The following HHAT variants were observed in gnomAD, a reference collection of about 807,000 sequenced individuals.
The protein encoded by HHAT is protein-cysteine N-palmitoyltransferase HHAT.
Under a neutral mutation model 70.8 loss-of-function variants are expected in HHAT, and 47 were observed. The observed-to-expected ratio is 0.66, with a 90% CI of 0.53 to 0.85. HHAT has a LOEUF of 0.85. HHAT is among the 40% of genes least tolerant of loss of function. The pLI is 0.00. For synonymous variants in HHAT, 228 were observed against 247.6 expected, an observed-to-expected ratio of 0.92 and a Z score of 0.74; for missense variants, 609 against 604.8, an observed-to-expected ratio of 1.01 and a Z score of -0.07.
intron 9 of HHAT, among the ~76,000 whole-genome samples, chr1:210,553,002 G>A (rs1342577720): frequency 6.6e-6 from 1 of 152,188 alleles, no homozygotes; most frequent in African/African-American, 2.4e-5. Context: ...GTGTTGAAGA[G>A]TTAAATGTCT....
intron 9 of HHAT, among the ~76,000 whole-genome samples, chr1:210,549,197 C>T (rs534590417): frequency 7.5e-6 from 1 of 133,168 alleles, no homozygotes; most frequent in African/African-American, 2.9e-5. Context: ...CTAAGGTAGG[C>T]ATGATTGTTG....
intron 1 of HHAT, among the ~76,000 whole-genome samples, chr1:210,329,692 A>G (rs2084816441): frequency 6.6e-6 from 1 of 152,128 alleles, no homozygotes; most frequent in Admixed American, 6.6e-5. Context: ...GGCATTTGGC[A>G]TCCTCAGAGG....
chr1:210,498,100 T>C (rs574659155), intron 8 of HHAT, among the ~76,000 whole-genome samples: 1 of 152,118 alleles, frequency 6.6e-6, no homozygotes, highest in Non-Finnish European at 1.5e-5. Flanking sequence ...GCTATCAACT[T>C]CTGTGGTCAG....
intron 10 of HHAT, among the ~76,000 whole-genome samples, chr1:210,604,333 A>G (rs1664939847): frequency 6.6e-6 from 1 of 150,878 alleles, no homozygotes; most frequent in African/African-American, 2.4e-5. Context: ...TGACCTGCCC[A>G]CTTCGGCCTC....
At chr1:210,374,086 T>G (rs933125346) in intron 3 of HHAT, 1 of 152,200 alleles carries the variant, frequency 6.6e-6, no homozygotes, top group Non-Finnish European at 1.5e-5. Flanking sequence ...ACAGTGACAA[T>G]GAATCACTTA....
At chr1:210,425,552 C>T (rs186509287) in intron 7 of HHAT, among the ~76,000 whole-genome samples, 103 of 152,222 alleles carry the variant, frequency 6.8e-4, no homozygotes, top group African/African-American at 2.4e-3. Flanking sequence ...TTTTAGTCTT[C>T]TGCATGTGGC....
chr1:210,364,498 A>G (rs1334717543), intron 3 of HHAT, among the ~76,000 whole-genome samples: 1 of 152,260 alleles, frequency 6.6e-6, no homozygotes, highest in African/African-American at 2.4e-5. Flanking sequence ...TGCCAAGGCA[A>G]AAATAAGCAG....
chr1:210,337,374 G>A (rs1409551977), intron 1 of HHAT, among the ~76,000 whole-genome samples: 3 of 152,294 alleles, frequency 2.0e-5, no homozygotes, highest in Middle Eastern at 3.4e-3. Context: ...TGGCATATGA[G>A]TTTCCTATTA....
At chr1:210,579,733 C>T (rs1223896912) in intron 9 of HHAT, among the ~76,000 whole-genome samples, 1 of 152,182 alleles carries the variant, frequency 6.6e-6, no homozygotes, top group African/African-American at 2.4e-5. Flanking sequence ...TCTTTCTTGT[C>T]CCATACTTCG....
chr1:210,462,080 T>C (rs1191174805), intron 7 of HHAT, among the ~76,000 whole-genome samples: 1 of 152,208 alleles, frequency 6.6e-6, no homozygotes, highest in Non-Finnish European at 1.5e-5. Context: ...GACTCAGCCA[T>C]AGATTTTAAT....
intron 7 of HHAT, among the ~76,000 whole-genome samples, chr1:210,428,271 C>T (rs919254855): frequency 9.8e-5 from 11 of 111,720 alleles, no homozygotes; most frequent in African/African-American, 3.6e-4. Context: ...ATGTTTTCCC[C>T]CAAATGAGCT....
intron 9 of HHAT, among the ~76,000 whole-genome samples, chr1:210,554,127 G>C (rs950353450): frequency 1.3e-5 from 2 of 151,716 alleles, no homozygotes; most frequent in African/African-American, 2.4e-5. Flanking sequence ...TTAAGAAAGA[G>C]AGTAATAATA....
intron 10 of HHAT, chr1:210,589,961 T>G (rs986307925): frequency 6.6e-6 from 1 of 152,216 alleles, no homozygotes; most frequent in Non-Finnish European, 1.5e-5. Context: ...GGCTTGCATA[T>G]TTATTGAGCA....
chr1:210,576,911 A>G (rs1214735440), intron 9 of HHAT, among the ~76,000 whole-genome samples: 2 of 151,854 alleles, frequency 1.3e-5, no homozygotes, highest in African/African-American at 4.8e-5. Context: ...ATTTATTCCT[A>G]AGTATTTTAT....
chr1:210,337,370 A>G (rs191293985), intron 1 of HHAT, among the ~76,000 whole-genome samples: 2 of 152,338 alleles, frequency 1.3e-5, no homozygotes, highest in East Asian at 3.9e-4. Flanking sequence ...GGGATGGCAT[A>G]TGAGTTTCCT....
upstream of HHAT, chr1:210,328,768 C>T (rs938307253): frequency 2.3e-5 from 8 of 342,226 alleles, no homozygotes; most frequent in Non-Finnish European, 4.2e-5. Context: ...GGCTAGGGGC[C>T]CCGGGCCGCC....
At chr1:210,665,393 G>A (rs1397256944) in intron 11 of HHAT, among the ~76,000 whole-genome samples, 1 of 152,188 alleles carries the variant, frequency 6.6e-6, no homozygotes, top group Non-Finnish European at 1.5e-5. Context: ...TCCTTAGAAT[G>A]GTTTTGAGTC....
At chr1:210,479,933 T>C (rs1297815403) in intron 8 of HHAT, among the ~76,000 whole-genome samples, 2 of 152,222 alleles carry the variant, frequency 1.3e-5, no homozygotes, top group Non-Finnish European at 2.9e-5. Context: ...TTACTAGTTC[T>C]GTCACCTCGG....
At chr1:210,521,623 CATTTG>C (rs2095159525) in intron 9 of HHAT, among the ~76,000 whole-genome samples, 3 of 152,160 alleles carry the variant, frequency 2.0e-5, no homozygotes, top group Non-Finnish European at 4.4e-5. Context: ...TGCTCACCAT[CATTTG>C]AAGTGTTTCT....
Sources: allele counts gnomAD v4.1 joint callset (sites outside exome capture counted in the v4.1 genomes callset), GRCh38; gene constraint gnomAD v4.1.1; transcripts MANE v1.5; gene names NCBI Gene and HGNC (gene_info 2026-07-23, HGNC 2026-07-21).